Variants in ELK3 observed in about 807,000 individuals in gnomAD.
ELK3 encodes the protein ETS domain-containing protein Elk-3.
A neutral mutation model predicts 28.9 loss-of-function variants in ELK3; 10 were observed. The observed-to-expected ratio is 0.35, with a 90% CI of 0.21 to 0.59. The LOEUF is 0.59. ELK3 is among the 20% of genes least tolerant of loss of function. ELK3 has a pLI of 0.82. For synonymous variants in ELK3, 272 were observed against 243.5 expected (o/e 1.12, Z -1.09); for missense variants, 463 against 517.3 (o/e 0.90, Z 1.02).
intron 2 of ELK3, among the ~76,000 whole-genome samples, chr12:96,236,136 T>C (rs1459438606): frequency 4.6e-5 from 7 of 152,190 alleles, no homozygotes; most frequent in Non-Finnish European, 8.8e-5. Flanking sequence ...AGCAGCTTTA[T>C]GTTCTATGTT....
At chr12:96,196,381 A>G (rs886906591) in intron 1 of ELK3, among the ~76,000 whole-genome samples, 3 of 149,216 alleles carry the variant, frequency 2.0e-5, no homozygotes, top group Non-Finnish European at 4.4e-5. Flanking sequence ...TAAGCAGCTC[A>G]CACACACCCA....
intron 1 of ELK3, among the ~76,000 whole-genome samples, chr12:96,204,825 C>G (rs2137001372): frequency 6.6e-6 from 1 of 152,360 alleles, no homozygotes; most frequent in South Asian, 2.1e-4. Context: ...CAATATTTCT[C>G]TGGTTAACGC....
At chr12:96,266,090 G>A (rs538200174) in intron 4 of ELK3, among the ~76,000 whole-genome samples, 5 of 152,254 alleles carry the variant, frequency 3.3e-5, no homozygotes, top group Admixed American at 1.3e-4. Flanking sequence ...CAAAACTTAC[G>A]TTACAGCTCC....
chr12:96,196,262 T>G (rs981424783), intron 1 of ELK3, among the ~76,000 whole-genome samples: 24 of 152,180 alleles, frequency 1.6e-4, no homozygotes, highest in African/African-American at 5.6e-4. Context: ...CCAACGAGCC[T>G]TTTCAGGACA....
intron 3 of ELK3, among the ~76,000 whole-genome samples, chr12:96,253,268 A>T (rs562793546): frequency 7.9e-5 from 12 of 152,344 alleles, no homozygotes; most frequent in East Asian, 1.9e-4. Context: ...TCTCACCAAA[A>T]AAATAAATAA....
At chr12:96,245,082 G>C (rs1000814576) in intron 2 of ELK3, among the ~76,000 whole-genome samples, 2 of 152,114 alleles carry the variant, frequency 1.3e-5, no homozygotes, top group Non-Finnish European at 2.9e-5. Context: ...GGTGCCCTGG[G>C]CGTCGGCCTG....
chr12:96,259,146 C>CTT (rs1242887948), intron 3 of ELK3, among the ~76,000 whole-genome samples: 2 of 152,156 alleles, frequency 1.3e-5, no homozygotes, highest in Admixed American at 1.3e-4. Context: ...GTTAACAAAC[C>CTT]ATTCGGACGA....
chr12:96,265,889 A>G (rs1242801246), intron 4 of ELK3, among the ~76,000 whole-genome samples: 1 of 152,232 alleles, frequency 6.6e-6, no homozygotes, highest in African/African-American at 2.4e-5. Flanking sequence ...AACCTTGAAT[A>G]TGCCAATAAT....
intron 3 of ELK3, among the ~76,000 whole-genome samples, chr12:96,257,014 C>G (rs1053692567): frequency 6.6e-6 from 1 of 152,260 alleles, no homozygotes; most frequent in African/African-American, 2.4e-5. Flanking sequence ...CCTGTGGCAT[C>G]TCCTTTCCCA....
At chr12:96,253,702 T>C (rs1951925362) in intron 3 of ELK3, among the ~76,000 whole-genome samples, 1 of 152,230 alleles carries the variant, frequency 6.6e-6, no homozygotes, top group African/African-American at 2.4e-5. Context: ...TCTCCTTTAC[T>C]TTCTTAGAGA....
intron 3 of ELK3, among the ~76,000 whole-genome samples, chr12:96,249,623 A>T (rs900569459): frequency 5.1e-5 from 6 of 118,226 alleles, no homozygotes; most frequent in Admixed American, 3.4e-4. Flanking sequence ...TCAGGGTGAG[A>T]AAGGTCCGAA....
intron 4 of ELK3, among the ~76,000 whole-genome samples, chr12:96,264,612 G>C (rs2300550): frequency 0.39 from 58,808 of 151,026 alleles, 11,785 homozygotes; most frequent in East Asian, 0.58. Flanking sequence ...GCAAGACCCT[G>C]TCTCTCCAAA....
chr12:96,208,438 G>T (rs1405314273), intron 1 of ELK3, among the ~76,000 whole-genome samples: 1 of 152,228 alleles, frequency 6.6e-6, no homozygotes, highest in East Asian at 1.9e-4. Context: ...AGATAAGAAA[G>T]TTCCCAGTTT....
At chr12:96,227,177 C>T (rs371663695) in intron 2 of ELK3, among the ~76,000 whole-genome samples, 2 of 151,936 alleles carry the variant, frequency 1.3e-5, no homozygotes, top group Admixed American at 1.3e-4. Context: ...TGCCCTGAAC[C>T]GCGTGCGTTT....
intron 1 of ELK3, among the ~76,000 whole-genome samples, chr12:96,204,133 G>A (rs1394315666): frequency 2.6e-5 from 4 of 152,086 alleles, no homozygotes; most frequent in East Asian, 1.9e-4. Flanking sequence ...AAAGTTATTC[G>A]TGGGATAGGA....
intron 1 of ELK3, among the ~76,000 whole-genome samples, chr12:96,207,448 CAG>C (rs1951544984): frequency 6.6e-6 from 1 of 152,216 alleles, no homozygotes; most frequent in African/African-American, 2.4e-5. Flanking sequence ...TTGAAGACTG[CAG>C]AGTCACTGTT....
chr12:96,215,197 C>T lies in ELK3; in HGVS notation c.-2-8368C>T, dbSNP rs188585891. 9.7e-4 allele frequency among the ~76,000 whole-genome samples: 148 copies of T among 152,032 alleles called. 2 individuals carry two copies. Among genetic ancestry groups the T allele is most frequent in the Admixed American group, 3.5e-3 (53 of 15,264 alleles). On this transcript the variant is annotated intron_variant, in intron 1 of 4. Coordinates refer to ENST00000228741, the MANE Select transcript of ELK3 (RefSeq NM_005230.4). ...GCTAATTCTGCCCCCTCAACTCCCA[C>T]CTCAGTAAAAATGAAACAAGGAACA...
intron 1 of ELK3, chr12:96,213,998 A>C (rs1592672867): frequency 6.6e-6 from 1 of 152,252 alleles, no homozygotes; most frequent in Non-Finnish European, 1.5e-5. Context: ...TGCTGGGATT[A>C]CAGACATGTA....
chr12:96,245,526 A>G (rs746736511), intron 2 of ELK3, among the ~76,000 whole-genome samples: 10 of 152,204 alleles, frequency 6.6e-5, no homozygotes, highest in Non-Finnish European at 1.0e-4. Flanking sequence ...GAGGCACTCA[A>G]TCAGAGCTGC....
Sources: gnomAD v4.1 joint callset for allele counts (sites outside exome capture counted in the v4.1 genomes callset) on GRCh38, gnomAD v4.1.1 for gene constraint, MANE v1.5 for transcripts, NCBI Gene and HGNC (gene_info 2026-07-23, HGNC 2026-07-21) for gene names.